The following PHKB variants were observed in gnomAD, a reference collection of about 807,000 sequenced individuals.
PHKB encodes phosphorylase kinase regulatory subunit beta, also known as phosphorylase b kinase regulatory subunit beta.
Under a neutral mutation model 152.1 loss-of-function variants are expected in PHKB, and 122 were observed. That is an observed-to-expected ratio of 0.80 (90% confidence interval 0.69 to 0.93). The LOEUF is 0.93. PHKB is among the 40% of genes least tolerant of loss of function. The pLI, the probability that PHKB is intolerant of heterozygous loss-of-function variation, is 0.00. For synonymous variants in PHKB, 436 were observed against 464.9 expected, an observed-to-expected ratio of 0.94 and a Z score of 0.80; for missense variants, 1,304 against 1,328.4, an observed-to-expected ratio of 0.98 and a Z score of 0.29.
chr16:47,603,275 G>A (rs559630766), intron 13 of PHKB, among the ~76,000 whole-genome samples: 1 of 152,198 alleles, frequency 6.6e-6, no homozygotes, highest in South Asian at 2.1e-4. Flanking sequence ...AGAGTGTACA[G>A]GTATATTTTT....
intron 27 of PHKB, 91 bp from the exon 28 acceptor site, chr16:47,693,287 C>T (rs879748181): frequency 8.4e-6 from 11 of 1,302,886 alleles, no homozygotes; most frequent in Admixed American, 5.1e-5. Context: ...TATTTCTTAC[C>T]CTATCAGAAC....
intron 3 of PHKB, 24 bp downstream of exon 3, chr16:47,499,918 G>A (rs766000321): frequency 1.5e-5 from 25 of 1,613,768 alleles, no homozygotes; most frequent in Middle Eastern, 1.7e-4. Flanking sequence ...TGTTCTCCTC[G>A]TAACTTTGAG....
intron 23 of PHKB, among the ~76,000 whole-genome samples, chr16:47,662,499 A>G (rs970093944): frequency 6.6e-6 from 1 of 152,206 alleles, no homozygotes; most frequent in African/African-American, 2.4e-5. Flanking sequence ...GTGTGTTGAT[A>G]TGGTTAGAAC....
chr16:47,611,117 A>G (rs1256467944), intron 14 of PHKB, among the ~76,000 whole-genome samples, 197 bp downstream of exon 14: 1 of 152,196 alleles, frequency 6.6e-6, no homozygotes, highest in Non-Finnish European at 1.5e-5. Context: ...GGGTCCAACA[A>G]AGTGCCTTGC....
intron 2 of PHKB, among the ~76,000 whole-genome samples, chr16:47,499,489 A>G (rs1455271507): frequency 6.6e-6 from 1 of 152,186 alleles, no homozygotes; most frequent in Non-Finnish European, 1.5e-5. Context: ...ACACATTGAC[A>G]TTACTGGAGA....
intron 26 of PHKB, among the ~76,000 whole-genome samples, chr16:47,684,349 G>A (rs895245102): frequency 1.3e-5 from 2 of 152,034 alleles, no homozygotes; most frequent in Non-Finnish European, 2.9e-5. Context: ...AAAATTTCAG[G>A]TGTTCTGGTT....
At chr16:47,676,465 A>G (rs771381912) in intron 26 of PHKB, 3 of 152,214 alleles carry the variant, frequency 2.0e-5, no homozygotes, top group Admixed American at 6.5e-5. Context: ...CTGAATGGCC[A>G]TAAGAAATAA....
intron 3 of PHKB, among the ~76,000 whole-genome samples, chr16:47,500,220 T>C (rs1970302548): frequency 6.6e-6 from 1 of 152,030 alleles, no homozygotes; most frequent in Middle Eastern, 3.2e-3. Context: ...GTATTTTTGA[T>C]AGAGATGGGG....
chr16:47,596,047 T>C (rs551708154), intron 12 of PHKB, among the ~76,000 whole-genome samples: 122 of 152,302 alleles, frequency 8.0e-4, no homozygotes, highest in African/African-American at 2.7e-3. Context: ...AATTCCCATG[T>C]GTCAAGGGTG....
chr16:47,482,143 C>G (rs1313927662), intron 1 of PHKB, among the ~76,000 whole-genome samples: 1 of 152,232 alleles, frequency 6.6e-6, no homozygotes, highest in Non-Finnish European at 1.5e-5. Flanking sequence ...ATAGGTAGGT[C>G]TTTGCAAGGC....
At chr16:47,532,607 G>T (rs377502922) in intron 6 of PHKB, among the ~76,000 whole-genome samples, 3 of 152,244 alleles carry the variant, frequency 2.0e-5, no homozygotes, top group Non-Finnish European at 4.4e-5. Flanking sequence ...GTTGGCATGG[G>T]TGCCAGCTCT....
intron 24 of PHKB, 71 bp from the exon 25 acceptor site, chr16:47,664,814 T>G: frequency 1.1e-6 from 1 of 907,290 alleles, no homozygotes; most frequent in African/African-American, 1.6e-5. Flanking sequence ...CTGACTGTTA[T>G]GTTTGGAAGA....
At chr16:47,502,513 A>G (rs1157358089) in intron 3 of PHKB, among the ~76,000 whole-genome samples, 1 of 152,194 alleles carries the variant, frequency 6.6e-6, no homozygotes, top group Non-Finnish European at 1.5e-5. Context: ...ACTATGACTA[A>G]ATGCCTGCTC....
chr16:47,515,589 C>A lies in PHKB; in HGVS notation c.582C>A (p.Tyr194Ter). 1 of 1,385,350 alleles carries A rather than the reference C, an allele frequency of 7.2e-7. No homozygotes were observed. Among genetic ancestry groups the A allele is most frequent in the Non-Finnish European group, 1.0e-6 (1 of 971,880 alleles). 85.8% of individuals were successfully genotyped at this position (1,385,350 alleles called of 1,614,324 possible). The change falls in exon 6 of 31, where the codon TAC becomes TAA. Residue 194 changes from tyrosine to a stop codon, truncating the protein, a stop_gained. Coordinates refer to ENST00000323584, the MANE Select transcript of PHKB (RefSeq NM_000293.3). LOFTEE classifies it high-confidence loss of function. ...TTTCCTCAGGACTCCAGATTATCTACAACACTGATGAGGTATGCTTTCCCC... is the reference window on the plus strand; with the variant it reads ...TTTCCTCAGGACTCCAGATTATCTAAAACACTGATGAGGTATGCTTTCCCC... The part of the protein sequence containing the change: ...EMISSGLQII[Y>*]NTDEVSFIQN...
chr16:47,563,994 C>CTT (rs899061752), intron 7 of PHKB, among the ~76,000 whole-genome samples: 89 of 82,016 alleles, frequency 1.1e-3, no homozygotes, highest in African/African-American at 2.6e-3. Flanking sequence ...TTATTTCATT[C>CTT]TTTTTTTTTT....
intron 4 of PHKB, among the ~76,000 whole-genome samples, chr16:47,503,984 T>C (rs910241216): frequency 6.6e-6 from 1 of 152,206 alleles, no homozygotes; most frequent in Non-Finnish European, 1.5e-5. Context: ...CAGGTCCTAA[T>C]ATAGTAAGTG....
At chr16:47,602,047 C>G (rs1275985487) in intron 13 of PHKB, among the ~76,000 whole-genome samples, 1 of 152,036 alleles carries the variant, frequency 6.6e-6, no homozygotes, top group Non-Finnish European at 1.5e-5. Flanking sequence ...TGAAAATTTG[C>G]TTGAATCTCA....
chr16:47,515,287 G>A lies in PHKB; in HGVS notation c.514-234G>A, dbSNP rs569464624. Among the ~76,000 whole-genome samples the A allele has an allele frequency of 7.2e-5, 11 of 152,250 alleles. No homozygotes were observed. In the South Asian group the frequency reaches 8.3e-4, roughly 11 times the overall value. ...GTTGTTAACAGTTTTATTTGAAGCC[G>A]TTTCCCTAATCCAGTGTTATCCATT... On this transcript the variant is annotated intron_variant, in intron 5 of 30. Transcript: ENST00000323584.
intron 26 of PHKB, among the ~76,000 whole-genome samples, chr16:47,682,241 G>A (rs1973873475): frequency 6.6e-6 from 1 of 152,048 alleles, no homozygotes; most frequent in Non-Finnish European, 1.5e-5. Context: ...TATGTGTCTT[G>A]GAGTTGCTCT....
Sources: allele counts gnomAD v4.1 joint callset (sites outside exome capture counted in the v4.1 genomes callset), GRCh38; gene constraint gnomAD v4.1.1; transcripts MANE v1.5; gene names NCBI Gene and HGNC (gene_info 2026-07-23, HGNC 2026-07-21).